N4BP1: variants seen among roughly 807,000 people sequenced by gnomAD.
The protein encoded by N4BP1 is NEDD4 binding protein 1.
In N4BP1, 21 loss-of-function variants were observed where a neutral mutation model predicts 70.9. The ratio of observed to expected loss-of-function variants is 0.30; its 90% CI spans 0.21 to 0.43. The LOEUF is 0.43. N4BP1 is among the 20% of genes least tolerant of loss of function. N4BP1 has a pLI of 1.00. For synonymous variants in N4BP1, 387 were observed against 394.6 expected (o/e 0.98, Z 0.23); for missense variants, 936 against 1,069.4 (o/e 0.88, Z 1.74).
rs913228734 is a variant in N4BP1, at chr16:48,542,610, A to G, written c.*294T>C. On this transcript the variant is annotated 3_prime_UTR_variant, in exon 7 of 7. Transcript: ENST00000262384. ...CTTTAAGGAAAATAGTTTAAAAAAC[A>G]TAAAAAGGTAAATACACTCAAGAGT... 3.7e-6 allele frequency: 1 copy of G among 269,090 alleles called. No individual in the cohort carries two copies. The highest frequency in any genetic ancestry group is 2.2e-5 in the African/African-American group (1 of 45,742). The allele number at this position is 269,090 out of a possible 1,614,324, so 16.7% of individuals were successfully genotyped here.
intron 1 of N4BP1, among the ~76,000 whole-genome samples, chr16:48,565,253 C>A (rs1963924378): frequency 6.6e-6 from 1 of 152,192 alleles, no homozygotes; most frequent in Non-Finnish European, 1.5e-5. Context: ...CAGGGAAGCA[C>A]TCAATCTTTC....
rs1335540247 is a variant in N4BP1, at chr16:48,561,651, G to A, written c.992C>T (p.Ser331Phe). The change falls in exon 2 of 7, where the codon TCT (serine) becomes TTT (phenylalanine). Residue 331 changes from serine to phenylalanine, a missense_variant. Around this residue, in one of 4 missense-constraint regions of N4BP1, gnomAD observed 515 missense variants for 491.7 expected, o/e 1.05. Coordinates refer to ENST00000262384, the MANE Select transcript of N4BP1 (RefSeq NM_153029.4). The part of the protein sequence containing the change: ...IADLSDSSAD[S>F]ENLSPDIKET... ...TTTTATATCTGGACTTAAATTTTCA[G>A]AATCAGCAGAAGAATCAGATAGGTC... 6.2e-7 allele frequency: 1 copy of A among 1,613,360 alleles called. No homozygotes were observed. Among genetic ancestry groups the A allele is most frequent in the Admixed American group, 1.7e-5 (1 of 59,962 alleles).
intron 1 of N4BP1, among the ~76,000 whole-genome samples, chr16:48,602,244 A>C (rs574952086): frequency 1.3e-4 from 20 of 152,204 alleles, no homozygotes; most frequent in South Asian, 4.1e-4. Context: ...CAACAACAAC[A>C]ACCAACAAAA....
At chr16:48,579,089 G>A (rs1321837317) in intron 1 of N4BP1, among the ~76,000 whole-genome samples, 2 of 152,112 alleles carry the variant, frequency 1.3e-5, no homozygotes, top group African/African-American at 2.4e-5. Context: ...GAGGGTAGAG[G>A]CCAGAAAAGC....
intron 1 of N4BP1, among the ~76,000 whole-genome samples, chr16:48,606,499 C>G (rs1964584187): frequency 6.6e-6 from 1 of 152,206 alleles, no homozygotes. Flanking sequence ...TGCTCCACAA[C>G]CACCTCTGTC....
chr16:48,550,106 GCA>G (rs1051537616), intron 4 of N4BP1, among the ~76,000 whole-genome samples: 2 of 152,140 alleles, frequency 1.3e-5, no homozygotes, highest in African/African-American at 4.8e-5. Flanking sequence ...TGTTACTTAT[GCA>G]CACGTCTTCT....
At chr16:48,582,428 G>C (rs1964186412) in intron 1 of N4BP1, among the ~76,000 whole-genome samples, 1 of 150,046 alleles carries the variant, frequency 6.7e-6, no homozygotes, top group Non-Finnish European at 1.5e-5. Flanking sequence ...GACTGTAGCA[G>C]TATCTAGGTG....
At chr16:48,596,932 C>A (rs901411675) in intron 1 of N4BP1, among the ~76,000 whole-genome samples, 1 of 152,290 alleles carries the variant, frequency 6.6e-6, no homozygotes. Context: ...GCAGACCCTG[C>A]AGTCAATGGA....
In N4BP1 at chr16:48,543,119, G is replaced by T; in HGVS notation, c.2476C>A (p.Gln826Lys). 3 of 1,611,588 alleles carry T rather than the reference G, an allele frequency of 1.9e-6. No individual in the cohort carries two copies. The South Asian group carries it at 3.3e-5, about 18-fold the overall frequency. The change falls in exon 7 of 7, where the codon CAG becomes AAG. Residue 826 changes from glutamine (Q) to lysine (K), a missense_variant. Physicochemically the swap from Gln to Lys is moderately conservative, Grantham distance 53. Coordinates refer to ENST00000262384, the MANE Select transcript of N4BP1 (RefSeq NM_153029.4). The part of the protein sequence containing the change: ...QGAPSSHWLP[Q>K]QPHFPLLPAL... Reference sequence around the variant, plus strand: ...GGCAGCAGTGGGAAGTGGGGCTGCTGAGGGAGCCAGTGGCTTGAAGGGGCT... The same window carrying T: ...GGCAGCAGTGGGAAGTGGGGCTGCTTAGGGAGCCAGTGGCTTGAAGGGGCT...
chr16:48,548,082 C>G lies in N4BP1; in HGVS notation c.2150G>C (p.Gly717Ala). The change falls in exon 5 of 7, where the codon GGC becomes GCC. Residue 717 changes from glycine (G) to alanine (A), a missense_variant. Coordinates refer to ENST00000262384, the MANE Select transcript of N4BP1 (RefSeq NM_153029.4). ...FLLHLADKTGGIIVTNDNFRE... is the reference protein window; with the variant it reads ...FLLHLADKTGAIIVTNDNFRE... ...GAAATTATCATTTGTCACAATTATG[C>G]CACCAGTTTTGTCCGCTAAGTGTAG... The G allele has an allele frequency of 6.2e-7, 1 of 1,612,876 alleles. No homozygotes were observed. The highest frequency in any genetic ancestry group is 1.1e-5 in the South Asian group (1 of 91,044).
intron 1 of N4BP1, among the ~76,000 whole-genome samples, chr16:48,569,949 T>C (rs1037837723): frequency 6.6e-6 from 1 of 152,148 alleles, no homozygotes; most frequent in Non-Finnish European, 1.5e-5. Flanking sequence ...GTCCTCCACC[T>C]AGAAAGATGG....
At chr16:48,600,759 AAT>A (rs1964483758) in intron 1 of N4BP1, 2 of 307,878 alleles carry the variant, frequency 6.5e-6, no homozygotes, top group African/African-American at 2.2e-5. Context: ...AAGTGATTAA[AAT>A]ATATCTTTCC....
intron 1 of N4BP1, among the ~76,000 whole-genome samples, chr16:48,595,105 C>T (rs775286043): frequency 1.1e-4 from 17 of 152,024 alleles, no homozygotes; most frequent in South Asian, 4.1e-4. Context: ...CTGAATGGAC[C>T]GAACAGAAAA....
At chr16:48,562,684 C>T (rs924489281) in intron 1 of N4BP1, among the ~76,000 whole-genome samples, 2 of 152,156 alleles carry the variant, frequency 1.3e-5, no homozygotes, top group South Asian at 4.1e-4. Context: ...TATTTTGTAA[C>T]ATTTTATGCA....
chr16:48,543,303 A>AC (rs1658085779), intron 6 of N4BP1, 42 bp from the exon 7 acceptor site: 2 of 1,417,068 alleles, frequency 1.4e-6, no homozygotes, highest in African/African-American at 2.9e-5. Flanking sequence ...GTTATAAGTA[A>AC]ACAAAAAATC....
At chr16:48,570,155 A>G (rs970501052) in intron 1 of N4BP1, among the ~76,000 whole-genome samples, 1 of 151,422 alleles carries the variant, frequency 6.6e-6, no homozygotes, top group Admixed American at 6.6e-5. Flanking sequence ...AATAAAGAAG[A>G]AAAAAAAGGG....
intron 1 of N4BP1, among the ~76,000 whole-genome samples, chr16:48,570,056 T>C (rs145623834): frequency 7.0e-4 from 106 of 151,852 alleles, no homozygotes; most frequent in African/African-American, 2.2e-3. Context: ...ACAACTCCAA[T>C]TAGAGAGAAA....
chr16:48,557,843 G>A (rs1284201441), intron 2 of N4BP1, among the ~76,000 whole-genome samples: 1 of 152,174 alleles, frequency 6.6e-6, no homozygotes. Context: ...CAGGGACTAT[G>A]GGTATTAGAG....
At chr16:48,590,058 A>C in intron 1 of N4BP1, among the ~76,000 whole-genome samples, 1 of 152,174 alleles carries the variant, frequency 6.6e-6, no homozygotes. Flanking sequence ...TTCTGGCTCC[A>C]AGAGTCTGAA....
Sources: gnomAD v4.1 joint callset for allele counts (sites outside exome capture counted in the v4.1 genomes callset) on GRCh38, gnomAD v4.1.1 for gene constraint, gnomAD v4.1.1 regional missense constraint, MANE v1.5 for transcripts, NCBI Gene and HGNC (gene_info 2026-07-23, HGNC 2026-07-21) for gene names.